CCDC7: variants seen among roughly 807,000 people sequenced by gnomAD.
CCDC7 encodes coiled-coil domain-containing protein 7.
Under a neutral mutation model 196.9 loss-of-function variants are expected in CCDC7, and 183 were observed. The observed-to-expected ratio is 0.93, with a 90% CI of 0.82 to 1.05. The LOEUF is 1.05. Among genes scored for constraint, CCDC7 ranks in the 50% least tolerant of loss-of-function variants. The pLI, the probability that CCDC7 is intolerant of heterozygous loss-of-function variation, is 0.00. For synonymous variants in CCDC7, 525 were observed against 484.6 expected, an observed-to-expected ratio of 1.08 and a Z score of -1.10; for missense variants, 1,540 against 1,482.2, an observed-to-expected ratio of 1.04 and a Z score of -0.64.
chr10:32,516,670 G>A (rs138029237), intron 9 of CCDC7, among the ~76,000 whole-genome samples: 47 of 152,268 alleles, frequency 3.1e-4, no homozygotes, highest in Non-Finnish European at 5.7e-4. Flanking sequence ...AATAGACAAC[G>A]CAATGATTTG....
chr10:32,790,850 A>T lies in CCDC7; in HGVS notation c.3013+11766A>T, dbSNP rs558147751. On this transcript the variant is annotated intron_variant, in intron 29 of 41. Coordinates refer to ENST00000639629, the Ensembl canonical transcript of CCDC7. ...GAGTAAACCTGATCCCACATACTGG[A>T]TACTTCAGTAGTTTTGCAAGACACT... is the stretch of plus-strand genomic sequence containing the variant. Among the ~76,000 whole-genome samples the T allele has an allele frequency of 4.6e-5, 7 of 152,250 alleles. No homozygotes were observed. In the South Asian group the frequency reaches 1.2e-3, roughly 27 times the overall value.
chr10:32,547,130 G>T (rs1481374990), intron 13 of CCDC7, among the ~76,000 whole-genome samples: 1 of 151,776 alleles, frequency 6.6e-6, no homozygotes, highest in African/African-American at 2.4e-5. Context: ...CCATCCTCCC[G>T]CCTCACCCTC....
intron 28 of CCDC7, among the ~76,000 whole-genome samples, chr10:32,733,234 C>G (rs2084285931): frequency 1.3e-5 from 2 of 152,058 alleles, no homozygotes; most frequent in South Asian, 4.1e-4. Context: ...CATACTCAGT[C>G]TATAACTCAC....
At chr10:32,620,674 T>C (rs1476309887) in intron 18 of CCDC7, among the ~76,000 whole-genome samples, 1 of 152,196 alleles carries the variant, frequency 6.6e-6, no homozygotes, top group Non-Finnish European at 1.5e-5. Flanking sequence ...TTTTCCACTG[T>C]CCAGCCATGG....
At chr10:32,750,020 C>T (rs2075415343) in intron 28 of CCDC7, among the ~76,000 whole-genome samples, 1 of 152,046 alleles carries the variant, frequency 6.6e-6, no homozygotes, top group Non-Finnish European at 1.5e-5. Context: ...TATGTAATTG[C>T]CAATATTCAA....
chr10:32,826,395 C>T (rs1455127851), intron 32 of CCDC7, among the ~76,000 whole-genome samples: 1 of 152,192 alleles, frequency 6.6e-6, no homozygotes, highest in Non-Finnish European at 1.5e-5. Context: ...AGAAACTGAA[C>T]ATTTGACTAT....
intron 21 of CCDC7, among the ~76,000 whole-genome samples, chr10:32,665,334 T>C (rs2140487814): frequency 6.6e-6 from 1 of 152,176 alleles, no homozygotes; most frequent in East Asian, 1.9e-4. Flanking sequence ...CATTTACTTA[T>C]TTTTGCTTTT....
At chr10:32,858,311 C>A (rs565700038) in intron 41 of CCDC7, among the ~76,000 whole-genome samples, 1 of 152,248 alleles carries the variant, frequency 6.6e-6, no homozygotes, top group South Asian at 2.1e-4. Context: ...AGCATCACCT[C>A]AAGACGTAAG....
intron 20 of CCDC7, among the ~76,000 whole-genome samples, chr10:32,660,944 G>A (rs1329442083): frequency 3.6e-5 from 5 of 140,280 alleles, no homozygotes; most frequent in African/African-American, 1.3e-4. Context: ...AACACCAAAA[G>A]CAATGGCAAC....
intron 21 of CCDC7, among the ~76,000 whole-genome samples, chr10:32,673,629 A>G (rs1173619996): frequency 6.8e-6 from 1 of 147,652 alleles, no homozygotes; most frequent in Non-Finnish European, 1.5e-5. Flanking sequence ...CCTTTACTGA[A>G]TTTATTAGTT....
At chr10:32,588,361 T>C (rs1384331237) in intron 18 of CCDC7, among the ~76,000 whole-genome samples, 1 of 135,624 alleles carries the variant, frequency 7.4e-6, no homozygotes, top group Non-Finnish European at 1.6e-5. Flanking sequence ...TTTCAAACCA[T>C]GAAATGGTAA....
At chr10:32,612,433 T>C (rs2062261963) in intron 18 of CCDC7, among the ~76,000 whole-genome samples, 1 of 152,174 alleles carries the variant, frequency 6.6e-6, no homozygotes, top group Non-Finnish European at 1.5e-5. Context: ...CTAACTGCCC[T>C]GGCCAGAACT....
At chr10:32,488,799 A>T (rs1416445035) in intron 8 of CCDC7, among the ~76,000 whole-genome samples, 1 of 152,166 alleles carries the variant, frequency 6.6e-6, no homozygotes. Context: ...ATTTCGTCAG[A>T]TATTGATAGA....
chr10:32,465,321 A>G (rs1162391582), intron 5 of CCDC7, among the ~76,000 whole-genome samples: 1 of 152,222 alleles, frequency 6.6e-6, no homozygotes, highest in East Asian at 1.9e-4. Context: ...TTTACTATAC[A>G]CTATGCTCTT....
intron 8 of CCDC7, among the ~76,000 whole-genome samples, chr10:32,488,037 C>A (rs148644555): frequency 0.02 from 3,018 of 152,322 alleles, 103 homozygotes; most frequent in African/African-American, 0.069. Flanking sequence ...TTTAAGTCTT[C>A]AGAGGATTCT....
intron 13 of CCDC7, among the ~76,000 whole-genome samples, chr10:32,549,524 T>C (rs973277216): frequency 6.6e-6 from 1 of 152,206 alleles, no homozygotes; most frequent in Non-Finnish European, 1.5e-5. Flanking sequence ...CAATGTTATC[T>C]TCTAGAATTT....
intron 38 of CCDC7, 71 bp downstream of exon 39, chr10:32,847,987 G>A (rs974121268): frequency 7.7e-6 from 7 of 911,922 alleles, no homozygotes; most frequent in African/African-American, 3.4e-5. Flanking sequence ...AATCTTTAAT[G>A]ATAACAGTAC....
chr10:32,590,624 T>G (rs1489190206), intron 18 of CCDC7, among the ~76,000 whole-genome samples: 1 of 152,192 alleles, frequency 6.6e-6, no homozygotes, highest in Non-Finnish European at 1.5e-5. Flanking sequence ...GTCCTTTTCT[T>G]TCAGATTGAA....
intron 41 of CCDC7, among the ~76,000 whole-genome samples, chr10:32,874,657 G>GTA (rs147448395): frequency 0.045 from 6,660 of 146,520 alleles, 468 homozygotes; most frequent in African/African-American, 0.16. Context: ...ATGTGTGTAT[G>GTA]TATATATATA....
Sources: allele counts gnomAD v4.1 joint callset (sites outside exome capture counted in the v4.1 genomes callset), GRCh38; gene constraint gnomAD v4.1.1; transcripts MANE v1.5; gene names NCBI Gene and HGNC (gene_info 2026-07-23, HGNC 2026-07-21).